Variants in GIGYF2 observed in about 807,000 individuals in gnomAD.
GIGYF2 encodes GRB10 interacting GYF protein 2.
A neutral mutation model predicts 208.1 loss-of-function variants in GIGYF2; 25 were observed. The ratio of observed to expected loss-of-function variants is 0.12; its 90% CI spans 0.09 to 0.17. The LOEUF (loss-of-function observed/expected upper bound fraction) is 0.17. GIGYF2 is among the 10% of genes least tolerant of loss of function. GIGYF2 has a pLI of 1.00. For missense variants in GIGYF2, 1,302 were observed against 1,579.4 expected (o/e 0.82, Z 2.98); for synonymous variants, 534 against 543.8 (o/e 0.98, Z 0.25).
intron 21 of GIGYF2, among the ~76,000 whole-genome samples, chr2:232,829,598 C>T (rs775743987): frequency 5.3e-5 from 8 of 152,186 alleles, no homozygotes; most frequent in Non-Finnish European, 1.0e-4. Flanking sequence ...CACCTTTTAG[C>T]TTGATCCCGA....
intron 8 of GIGYF2, among the ~76,000 whole-genome samples, chr2:232,763,266 T>A (rs1698818839): frequency 6.6e-6 from 1 of 151,896 alleles, no homozygotes; most frequent in South Asian, 2.1e-4. Flanking sequence ...AGCTCTCAGA[T>A]CTCATTAGTC....
intron 2 of GIGYF2, among the ~76,000 whole-genome samples, chr2:232,708,042 G>T (rs2106250529): frequency 6.6e-6 from 1 of 152,156 alleles, no homozygotes; most frequent in South Asian, 2.1e-4. Context: ...GCTCACTGCA[G>T]CCTCGACCTT....
intron 3 of GIGYF2, chr2:232,735,690 T>TAA: frequency 1.0e-6 from 1 of 991,724 alleles, no homozygotes; most frequent in Non-Finnish European, 1.2e-6. Context: ...TACTGGCTGT[T>TAA]AACAGTAGCC....
chr2:232,739,070 A>C (rs989475229), intron 3 of GIGYF2, among the ~76,000 whole-genome samples: 4 of 152,156 alleles, frequency 2.6e-5, no homozygotes, highest in African/African-American at 9.7e-5. Context: ...GAAAAGGGTT[A>C]GGTATGGGCT....
intron 5 of GIGYF2, among the ~76,000 whole-genome samples, chr2:232,751,230 T>G (rs1197027175): frequency 6.6e-6 from 1 of 152,226 alleles, no homozygotes; most frequent in African/African-American, 2.4e-5. Flanking sequence ...TCTTTGTCTC[T>G]TTGAGACTGA....
chr2:232,703,855 C>T (rs1052311206), intron 2 of GIGYF2, among the ~76,000 whole-genome samples: 1 of 152,186 alleles, frequency 6.6e-6, no homozygotes, highest in Non-Finnish European at 1.5e-5. Flanking sequence ...CACTTTTTTA[C>T]CAGCTGGCCA....
chr2:232,727,367 A>T (rs1407670286), intron 2 of GIGYF2, among the ~76,000 whole-genome samples: 2 of 152,232 alleles, frequency 1.3e-5, no homozygotes, highest in Non-Finnish European at 2.9e-5. Context: ...AGAATAAGGT[A>T]TAGTGTATGA....
intron 2 of GIGYF2, 144 bp from the exon 3 acceptor site, chr2:232,735,011 G>A (rs1697674890): frequency 1.7e-6 from 1 of 603,624 alleles, no homozygotes; most frequent in Admixed American, 2.9e-5. Context: ...CTATATTATT[G>A]TTTTAAGTAG....
At chr2:232,786,675 T>C (rs776553973) in intron 8 of GIGYF2, among the ~76,000 whole-genome samples, 14 of 152,236 alleles carry the variant, frequency 9.2e-5, no homozygotes, top group Non-Finnish European at 2.1e-4. Context: ...TTAAAAAGTA[T>C]GTGCTAGTAA....
At chr2:232,748,915 G>A in intron 4 of GIGYF2, 72 bp from the exon 5 acceptor site, 1 of 798,604 alleles carries the variant, frequency 1.3e-6, no homozygotes, top group Non-Finnish European at 2.3e-6. Context: ...TTCTTTCTTG[G>A]ATTTATCTTC....
chr2:232,762,456 T>C (rs1301668007), intron 8 of GIGYF2, among the ~76,000 whole-genome samples: 2 of 152,016 alleles, frequency 1.3e-5, no homozygotes, highest in Non-Finnish European at 2.9e-5. Context: ...TTTCACTATG[T>C]TGGCCAGGCT....
chr2:232,856,399 CA>C (rs1690573059), intron 28 of GIGYF2, among the ~76,000 whole-genome samples: 1 of 152,070 alleles, frequency 6.6e-6, no homozygotes. Context: ...TGCTCAAAAA[CA>C]AAAGACTGGC....
At chr2:232,733,943 G>A (rs893244014) in intron 2 of GIGYF2, among the ~76,000 whole-genome samples, 6 of 152,108 alleles carry the variant, frequency 3.9e-5, no homozygotes, top group African/African-American at 1.4e-4. Flanking sequence ...TGGATATGGA[G>A]GGCCAGTTAT....
chr2:232,806,672 C>T lies in GIGYF2; in HGVS notation c.1806+15C>T, dbSNP rs776843602. 1.9e-6 allele frequency: 3 copies of T among 1,575,414 alleles called. No individual in the cohort carries two copies. Among genetic ancestry groups the T allele is most frequent in the Admixed American group, 1.7e-5 (1 of 59,984 alleles). On this transcript the variant is annotated intron_variant, in intron 15 of 28. Transcript: ENST00000373563. This position sits in a 1 kb window ranked among gnomAD's most constrained non-coding sequence, Gnocchi z 4.0. The stretch of plus-strand genomic sequence containing the variant: ...CTCCTCATATGGTAAGTACCTTTCA[C>T]CTCACCTGGAATACATATTAGTCAC...
intron 22 of GIGYF2, among the ~76,000 whole-genome samples, chr2:232,837,715 T>C (rs1390444749): frequency 6.6e-6 from 1 of 152,104 alleles, no homozygotes; most frequent in Admixed American, 6.5e-5. Context: ...TGCCTCGGCC[T>C]CCCAAAGTGC....
At chr2:232,828,721 A>G (rs1701327649) in intron 21 of GIGYF2, 1 of 151,926 alleles carries the variant, frequency 6.6e-6, no homozygotes. Context: ...TTAGTATACA[A>G]CCCCCCACTG....
chr2:232,819,052 C>G (rs1027193863), intron 20 of GIGYF2, among the ~76,000 whole-genome samples: 2 of 151,396 alleles, frequency 1.3e-5, no homozygotes, highest in Non-Finnish European at 2.9e-5. Context: ...TGGGGTTTTC[C>G]TAGCTTCACT....
intron 20 of GIGYF2, 123 bp from the exon 21 acceptor site, chr2:232,819,702 TTA>T (rs1299926401): frequency 1.6e-6 from 1 of 641,940 alleles, no homozygotes; most frequent in African/African-American, 1.8e-5. Flanking sequence ...ATGATTACTT[TTA>T]TGTTTACTGT....
In GIGYF2 at chr2:232,760,482, A is replaced by G; in HGVS notation, c.382A>G (p.Arg128Gly). Reference protein sequence around the residue: ...RGRSSSRGRGRGRGECGFYQR... With the variant: ...RGRSSSRGRGGGRGECGFYQR... ...TTTTTCTGTTTTCTTATTTTCAGGCAGAGGCAGAGGTGAATGTGGTTTCTA... is the reference window on the plus strand; with the variant it reads ...TTTTTCTGTTTTCTTATTTTCAGGCGGAGGCAGAGGTGAATGTGGTTTCTA... The change falls in exon 7 of 29, where the codon AGA (arginine) becomes GGA (glycine). Residue 128 changes from arginine to glycine, a missense_variant and splice_region_variant. Around this residue, in one of 8 missense-constraint regions of GIGYF2, gnomAD observed 189 missense variants for 257.7 expected, o/e 0.73. Transcript: ENST00000373563. The G allele has an allele frequency of 6.2e-7, 1 of 1,605,884 alleles. No homozygotes were observed. The highest frequency in any genetic ancestry group is 8.5e-7 in the Non-Finnish European group (1 of 1,172,634).
Sources: allele counts gnomAD v4.1 joint callset (sites outside exome capture counted in the v4.1 genomes callset), GRCh38; gene constraint gnomAD v4.1.1; regional missense constraint gnomAD v4.1.1; non-coding constraint Gnocchi (gnomAD v3.1); transcripts MANE v1.5; gene names NCBI Gene and HGNC (gene_info 2026-07-23, HGNC 2026-07-21).